Variants in RASAL2 observed in about 807,000 individuals in gnomAD.
RASAL2 encodes the protein ras GTPase-activating protein nGAP.
A neutral mutation model predicts 128.9 loss-of-function variants in RASAL2; 58 were observed. The observed-to-expected ratio is 0.45, with a 90% CI of 0.36 to 0.56. RASAL2 has a LOEUF of 0.56. Ranked by LOEUF, RASAL2 falls within the 20% of genes least tolerant of loss-of-function variation. The pLI is 0.00. For missense variants in RASAL2, 1,360 were observed against 1,601.6 expected, an observed-to-expected ratio of 0.85 and a Z score of 2.57; for synonymous variants, 561 against 580.8, an observed-to-expected ratio of 0.97 and a Z score of 0.49.
intron 3 of RASAL2, among the ~76,000 whole-genome samples, chr1:178,313,585 G>A (rs1668361278): frequency 6.6e-6 from 1 of 151,890 alleles, no homozygotes; most frequent in Non-Finnish European, 1.5e-5. Flanking sequence ...CAAACTCCTG[G>A]GCTCAAGCAA....
chr1:178,095,538 C>A (rs1658643937), intron 1 of RASAL2, among the ~76,000 whole-genome samples: 1 of 152,146 alleles, frequency 6.6e-6, no homozygotes, highest in Admixed American at 6.5e-5. Context: ...ACATTAGTAA[C>A]GTGGCTGAGT....
intron 2 of RASAL2, among the ~76,000 whole-genome samples, chr1:178,296,401 C>G (rs925934374): frequency 2.0e-5 from 3 of 152,070 alleles, no homozygotes; most frequent in African/African-American, 7.2e-5. Flanking sequence ...ACTCTGTCAC[C>G]CAGGCTGGAG....
rs1252708746 is a variant in RASAL2 at position 178,456,747 on chromosome 1, C to T, written c.2238C>T (p.Leu746=). 1.9e-6 allele frequency: 3 copies of T among 1,614,008 alleles called. No individual in the cohort carries two copies. The African/African-American group carries it at 4.0e-5, about 22-fold the overall frequency. The change falls in exon 13 of 18, where the codon CTC becomes CTT. Residue 746 remains leucine, a synonymous_variant. Transcript: ENST00000367649. ...CGACCGTGGCAAAATTGGGGCCTCT[C>T]CCTCGTGTTCTTGCTGATATTACCA... ...DKATVAKLGP[L]PRVLADITKS... is the part of the protein sequence containing the mutation.
intron 9 of RASAL2, among the ~76,000 whole-genome samples, chr1:178,449,154 A>G (rs756155313): frequency 6.6e-5 from 10 of 152,164 alleles, no homozygotes; most frequent in Non-Finnish European, 1.5e-4. Flanking sequence ...GTTGCCAGTA[A>G]TAGTGTACGA....
At chr1:178,332,417 A>G (rs1225178938) in intron 3 of RASAL2, among the ~76,000 whole-genome samples, 1 of 151,926 alleles carries the variant, frequency 6.6e-6, no homozygotes, top group African/African-American at 2.4e-5. Context: ...AGGCAGGACA[A>G]TCGCTTGAAC....
At chr1:178,382,286 C>G (rs1444244250) in intron 3 of RASAL2, among the ~76,000 whole-genome samples, 1 of 151,860 alleles carries the variant, frequency 6.6e-6, no homozygotes, top group Non-Finnish European at 1.5e-5. Context: ...AACTTTTGTC[C>G]CTTGTTATTG....
At chr1:178,114,834 T>G (rs561050952) in intron 1 of RASAL2, among the ~76,000 whole-genome samples, 17 of 152,372 alleles carry the variant, frequency 1.1e-4, no homozygotes, top group African/African-American at 3.8e-4. Context: ...TTTTGAGTTT[T>G]AAACCAATTT....
intron 3 of RASAL2, among the ~76,000 whole-genome samples, chr1:178,349,570 G>A (rs1207797943): frequency 6.6e-6 from 1 of 151,968 alleles, no homozygotes; most frequent in African/African-American, 2.4e-5. Flanking sequence ...GTAAATAATA[G>A]AATTTCTAGG....
chr1:178,397,755 G>C (rs909830452), intron 4 of RASAL2, among the ~76,000 whole-genome samples: 4 of 151,298 alleles, frequency 2.6e-5, no homozygotes, highest in Non-Finnish European at 5.9e-5. Context: ...ACAAGCGCAT[G>C]GCACTGTACC....
intron 3 of RASAL2, among the ~76,000 whole-genome samples, chr1:178,357,620 CAAAAACA>C (rs954437333): frequency 5.3e-5 from 8 of 151,522 alleles, no homozygotes; most frequent in Non-Finnish European, 1.0e-4. Context: ...TACTCTCAGC[CAAAAACA>C]AAAAACAAAA....
intron 1 of RASAL2, among the ~76,000 whole-genome samples, chr1:178,268,987 A>G (rs952219062): frequency 6.6e-6 from 1 of 152,164 alleles, no homozygotes; most frequent in Non-Finnish European, 1.5e-5. Flanking sequence ...ACTTTCTATT[A>G]TGAACTGAGT....
At chr1:178,110,477 A>G (rs933817220) in intron 1 of RASAL2, among the ~76,000 whole-genome samples, 3 of 148,790 alleles carry the variant, frequency 2.0e-5, no homozygotes, top group Admixed American at 6.8e-5. Flanking sequence ...TTTTTATACT[A>G]TATTTATACA....
intron 3 of RASAL2, among the ~76,000 whole-genome samples, chr1:178,375,260 C>T (rs1409600554): frequency 4.0e-5 from 6 of 151,888 alleles, no homozygotes; most frequent in Non-Finnish European, 8.8e-5. Flanking sequence ...TTGAAAAGAA[C>T]GCAGAATTCA....
intron 13 of RASAL2, 74 bp from the exon 14 acceptor site, chr1:178,457,609 A>G (rs1677866928): frequency 2.7e-6 from 4 of 1,496,918 alleles, no homozygotes; most frequent in Non-Finnish European, 3.6e-6. Flanking sequence ...AGGAGTTCAT[A>G]TGCCTGAATT....
chr1:178,288,987 C>T (rs1047660690), intron 2 of RASAL2, among the ~76,000 whole-genome samples: 9 of 152,068 alleles, frequency 5.9e-5, no homozygotes, highest in Admixed American at 5.2e-4. Context: ...CCTGTATTAA[C>T]CTCACTTGTA....
intron 6 of RASAL2, among the ~76,000 whole-genome samples, chr1:178,440,523 A>G (rs1676567124): frequency 6.6e-6 from 1 of 152,176 alleles, no homozygotes; most frequent in African/African-American, 2.4e-5. Context: ...TAGCTGCTGT[A>G]TTGGACAGAG....
chr1:178,227,222 T>C (rs934623020), intron 1 of RASAL2, among the ~76,000 whole-genome samples: 11 of 152,190 alleles, frequency 7.2e-5, no homozygotes, highest in African/African-American at 2.7e-4. Flanking sequence ...CTATTTATTT[T>C]TGTATTTATG....
rs759856175 is a variant in RASAL2 at position 178,452,616 on chromosome 1, T to C, written c.1973T>C (p.Ile658Thr). 1.2e-6 allele frequency: 2 copies of C among 1,614,010 alleles called. No homozygotes were observed. The highest frequency in any genetic ancestry group is 1.1e-5 in the South Asian group (1 of 91,082). The change falls in exon 11 of 18, where the codon ATT becomes ACT. Residue 658 changes from isoleucine (I) to threonine (T), a missense_variant. Around this residue, in one of 3 missense-constraint regions of RASAL2, gnomAD observed 741 missense variants for 868.6 expected, o/e 0.85. Transcript: ENST00000367649. ...DDRTSRTLTL[I>T]AKVIQNLANF... ...CGCACATCTCGGACTCTAACTCTTA[T>C]TGCCAAGGTCATTCAGAACCTGGCC... is the stretch of plus-strand genomic sequence containing the variant.
chr1:178,197,340 T>A (rs1662693102), intron 1 of RASAL2, among the ~76,000 whole-genome samples: 1 of 152,030 alleles, frequency 6.6e-6, no homozygotes, highest in Non-Finnish European at 1.5e-5. Context: ...TCTGTAATCC[T>A]AGCTACTCAG....
Sources: allele counts gnomAD v4.1 joint callset (sites outside exome capture counted in the v4.1 genomes callset), GRCh38; gene constraint gnomAD v4.1.1; regional missense constraint gnomAD v4.1.1; transcripts MANE v1.5; gene names NCBI Gene and HGNC (gene_info 2026-07-23, HGNC 2026-07-21).